The following FAM47E variants were observed in gnomAD, a reference collection of about 807,000 sequenced individuals.
FAM47E encodes protein FAM47E.
FAM47E carries 32 observed loss-of-function variants against 41.6 expected under a neutral mutation model. That is an observed-to-expected ratio of 0.77 (90% CI 0.58 to 1.03). The LOEUF (loss-of-function observed/expected upper bound fraction) is 1.03, where lower values mean the gene tolerates loss of function less well. Ranked by LOEUF, FAM47E falls within the 50% of genes least tolerant of loss-of-function variation. The probability of loss-of-function intolerance (pLI) is 0.00; values close to 1 mark genes in which losing one functional copy is unlikely to be tolerated. For synonymous variants in FAM47E, 184 were observed against 188.7 expected, an observed-to-expected ratio of 0.98 and a Z score of 0.20; for missense variants, 424 against 485.4, an observed-to-expected ratio of 0.87 and a Z score of 1.19.
At chr4:76,232,040 A>C (rs1001073248) in intron 2 of FAM47E, among the ~76,000 whole-genome samples, 3 of 152,248 alleles carry the variant, frequency 2.0e-5, no homozygotes, top group Non-Finnish European at 4.4e-5. Flanking sequence ...ATATTGCCAT[A>C]AGTTATGAAT....
intron 2 of FAM47E, among the ~76,000 whole-genome samples, chr4:76,220,071 T>C (rs776761222): frequency 2.6e-5 from 4 of 152,176 alleles, no homozygotes; most frequent in African/African-American, 4.8e-5. Context: ...CCATTTTGAA[T>C]CAAACCAGAG....
intron 1 of FAM47E, among the ~76,000 whole-genome samples, chr4:76,215,329 G>T (rs1733185296): frequency 6.6e-6 from 1 of 152,202 alleles, no homozygotes; most frequent in Non-Finnish European, 1.5e-5. Flanking sequence ...CTGAGTGGTG[G>T]ATCCTGCTTG....
At chr4:76,231,082 C>A (rs6817492) in intron 2 of FAM47E, among the ~76,000 whole-genome samples, 31,726 of 151,318 alleles carry the variant, frequency 0.21, 3,518 homozygotes, top group East Asian at 0.36. Flanking sequence ...TCATAAGCTG[C>A]ATGCTAAGGT....
intron 2 of FAM47E, chr4:76,236,685 T>TG (rs1266362110): frequency 1.4e-4 from 1 of 6,904 alleles, no homozygotes; most frequent in Non-Finnish European, 2.8e-4. Context: ...GGTAGGGTGG[T>TG]GGGGGGTGGG....
intron 2 of FAM47E, among the ~76,000 whole-genome samples, chr4:76,236,870 A>C (rs1733595610): frequency 6.6e-6 from 1 of 151,508 alleles, no homozygotes. Context: ...CAGAGAGAAT[A>C]GGTTGTAAAA....
chr4:76,223,947 A>G (rs1312919061), intron 2 of FAM47E, among the ~76,000 whole-genome samples: 1 of 152,158 alleles, frequency 6.6e-6, no homozygotes, highest in African/African-American at 2.4e-5. Context: ...TGTGTGACAC[A>G]GTCATGCTGT....
intron 2 of FAM47E, among the ~76,000 whole-genome samples, chr4:76,245,992 T>C (rs556072143): frequency 9.8e-5 from 15 of 152,308 alleles, no homozygotes; most frequent in Admixed American, 4.6e-4. Context: ...ATTGGTGTCA[T>C]GCCTTTACCC....
At chr4:76,250,451 T>C (rs1353181765), upstream of FAM47E, among the ~76,000 whole-genome samples, 1 of 152,230 alleles carries the variant, frequency 6.6e-6, no homozygotes, top group Admixed American at 6.5e-5. Flanking sequence ...TTGTAGATTC[T>C]GAATATTAGT....
chr4:76,216,001 C>A (rs867501546), intron 1 of FAM47E, among the ~76,000 whole-genome samples: 1 of 152,120 alleles, frequency 6.6e-6, no homozygotes, highest in Non-Finnish European at 1.5e-5. Context: ...TTGTAGCTAC[C>A]AAAGCTCTTC....
At chr4:76,250,827 G>A (rs960309042), upstream of FAM47E, among the ~76,000 whole-genome samples, 1 of 152,046 alleles carries the variant, frequency 6.6e-6, no homozygotes, top group Non-Finnish European at 1.5e-5. Context: ...TACCACCCCC[G>A]GTTCACAGCT....
intron 2 of FAM47E, among the ~76,000 whole-genome samples, chr4:76,230,987 G>A (rs529729032): frequency 1.3e-5 from 2 of 152,122 alleles, no homozygotes; most frequent in Non-Finnish European, 2.9e-5. Context: ...CTTAGATCCA[G>A]TTTTCTTTCC....
chr4:76,241,362 G>A (rs536225478), intron 2 of FAM47E, among the ~76,000 whole-genome samples: 3 of 152,260 alleles, frequency 2.0e-5, no homozygotes, highest in Admixed American at 6.5e-5. Context: ...TGCCACAATG[G>A]GGGGGAAGGT....
At chr4:76,250,634 GC>G (rs944034144), upstream of FAM47E, among the ~76,000 whole-genome samples, 4 of 151,998 alleles carry the variant, frequency 2.6e-5, no homozygotes, top group Admixed American at 1.3e-4. Flanking sequence ...CATACTTTTG[GC>G]CCAGTTCTCA....
intron 2 of FAM47E, among the ~76,000 whole-genome samples, chr4:76,258,448 T>C (rs17235935): frequency 0.41 from 62,011 of 151,656 alleles, 14,194 homozygotes; most frequent in Non-Finnish European, 0.53. Context: ...CAAGGAAAAA[T>C]CCAGATATTC....
intron 2 of FAM47E, among the ~76,000 whole-genome samples, chr4:76,244,774 G>A (rs910638833): frequency 3.3e-5 from 5 of 151,982 alleles, no homozygotes; most frequent in African/African-American, 9.7e-5. Context: ...TCCTGGCCTC[G>A]TGATCCACCC....
chr4:76,273,702 A>G (rs1031183635), intron 5 of FAM47E, among the ~76,000 whole-genome samples: 88 of 151,786 alleles, frequency 5.8e-4, no homozygotes, highest in African/African-American at 2.1e-3. Flanking sequence ...TATTTCTTCA[A>G]ACTTTTTTTT....
Position 76,266,304 on chromosome 4 carries a change from T to C in FAM47E, c.561-2356T>C, listed in dbSNP as rs181700018. 3.1e-3 allele frequency among the ~76,000 whole-genome samples: 469 copies of C among 152,330 alleles called. 3 individuals carry two copies. The highest frequency in any genetic ancestry group is 0.011 in the African/African-American group (437 of 41,578). On this transcript the variant is annotated intron_variant, in intron 3 of 7. Coordinates refer to ENST00000424749, the MANE Select transcript of FAM47E (RefSeq NM_001136570.3). Reference sequence around the variant, plus strand: ...CTGTATATGGTTAATTCAGTATTTGTCCTTAGTTGTATAATTGGCATCTCA... The same window carrying C: ...CTGTATATGGTTAATTCAGTATTTGCCCTTAGTTGTATAATTGGCATCTCA...
intron 1 of FAM47E, among the ~76,000 whole-genome samples, chr4:76,252,761 C>A (rs13117238): frequency 0.18 from 27,333 of 152,072 alleles, 2,648 homozygotes; most frequent in East Asian, 0.35. Flanking sequence ...GTAGGCTCAC[C>A]AGAAGTTGCA....
chr4:76,249,217 G>T (rs998201043), upstream of FAM47E, among the ~76,000 whole-genome samples: 2 of 152,024 alleles, frequency 1.3e-5, no homozygotes, highest in Non-Finnish European at 2.9e-5. Context: ...AACAGAGTGA[G>T]ACTCTGTCTC....
Sources: allele counts gnomAD v4.1 joint callset (sites outside exome capture counted in the v4.1 genomes callset), GRCh38; gene constraint gnomAD v4.1.1; transcripts MANE v1.5; gene names NCBI Gene and HGNC (gene_info 2026-07-23, HGNC 2026-07-21).